The following CXorf58 variants were observed in gnomAD, a reference collection of about 807,000 sequenced individuals.
The protein encoded by CXorf58 is chromosome X open reading frame 58.
CXorf58 carries 24 observed loss-of-function variants against 26.0 expected under a neutral mutation model. The ratio of observed to expected loss-of-function variants is 0.92; its 90% CI spans 0.67 to 1.30. The LOEUF (loss-of-function observed/expected upper bound fraction) is 1.30. CXorf58 is among the 50% of genes most tolerant of loss of function. The pLI is 0.00. For synonymous variants in CXorf58, 87 were observed against 86.1 expected (o/e 1.01, Z -0.06); for missense variants, 236 against 263.9 (o/e 0.89, Z 0.73).
chrX:23,916,408 C>A, intron 5 of CXorf58, 80 bp downstream of exon 5: 1 of 568,307 alleles, frequency 1.8e-6, no homozygotes, highest in Admixed American at 3.6e-5. Context: ...TCAAATTATA[C>A]AGAATAAGTT....
At chrX:23,915,995 A>G (rs1927710390) in intron 4 of CXorf58, among the ~76,000 whole-genome samples, 1 of 111,839 alleles carries the variant, frequency 8.9e-6, no homozygotes, top group South Asian at 3.7e-4. Context: ...CTCATCTCCC[A>G]TTCTGTATTC....
chrX:23,935,344 G>T lies in CXorf58; in HGVS notation c.704G>T (p.Arg235Leu). 1 of 1,209,928 alleles carries T rather than the reference G, an allele frequency of 8.3e-7. No individual in the cohort carries two copies. Among genetic ancestry groups the T allele is most frequent in the African/African-American group, 1.7e-5 (1 of 57,704 alleles). The change falls in exon 7 of 9, where the codon CGA (arginine) becomes CTA (leucine). Residue 235 changes from arginine to leucine, a missense_variant. Coordinates refer to ENST00000379211, the MANE Select transcript of CXorf58 (RefSeq NM_152761.3). ...TCTGGAGTGATCTCAAACCGTCTAC[G>T]AAATGAAATGAAGTTTCTGTTACAG... ...SESGVISNRL[R>L]NEMKFLLQRP...
In CXorf58 at chrX:23,939,503, AGAAT is replaced by A. The variant is rs1368059090; in HGVS notation, c.*201_*204del. The A allele has an allele frequency of 3.1e-5, 11 of 354,774 alleles. No homozygotes were observed. The highest frequency in any genetic ancestry group is 5.4e-5 in the Non-Finnish European group (11 of 203,814). 29.2% of individuals were successfully genotyped at this position (354,774 alleles called of 1,213,427 possible). On this transcript the variant is annotated 3_prime_UTR_variant, in exon 9 of 9. Transcript: ENST00000379211. ...TATGTGTAATAAAGGAAAATAACAT[AGAAT>A]AAGTCCTGAGTATGCTCTCTTAACT...
intron 5 of CXorf58, among the ~76,000 whole-genome samples, chrX:23,919,986 C>T (rs1263982493): frequency 1.8e-5 from 2 of 112,755 alleles, no homozygotes; most frequent in Admixed American, 9.4e-5. Context: ...GTTCTCTTTC[C>T]CTACTTTTCC....
At position 23,939,406 on chromosome X, in the gene CXorf58, T is replaced by C; in HGVS notation, c.*103T>C. 1.7e-6 allele frequency: 1 copy of C among 572,940 alleles called. No homozygotes were observed. Among genetic ancestry groups the C allele is most frequent in the Non-Finnish European group, 2.8e-6 (1 of 354,873 alleles). 47.2% of individuals were successfully genotyped at this position (572,940 alleles called of 1,213,427 possible). A position where few individuals can be genotyped will look rare whatever the true frequency, so the allele number is the denominator to read the frequency against. ...CTTGGCAGCTGGTGATTCTCCATCA[T>C]GATAATGAACAGTTAATTGACAGAA... On this transcript the variant is annotated 3_prime_UTR_variant, in exon 9 of 9. Transcript: ENST00000379211.
intron 5 of CXorf58, among the ~76,000 whole-genome samples, chrX:23,926,733 G>A (rs1169347197): frequency 8.9e-6 from 1 of 112,470 alleles, no homozygotes; most frequent in Non-Finnish European, 1.9e-5. Context: ...TAAAAACTAT[G>A]TAGATGGCCT....
At chrX:23,912,766 G>T (rs1290234349) in intron 3 of CXorf58, among the ~76,000 whole-genome samples, 1 of 111,590 alleles carries the variant, frequency 9.0e-6, no homozygotes, top group Non-Finnish European at 1.9e-5. Context: ...TGAATTAAAA[G>T]TTCCCTTACC....
upstream of CXorf58, chrX:23,907,985 G>A: frequency 6.7e-6 from 2 of 296,962 alleles, no homozygotes; most frequent in Admixed American, 6.2e-5. Context: ...TTGCTAGGCG[G>A]CAAGAAAGCG....
chrX:23,925,520 G>T (rs916014581), intron 5 of CXorf58, among the ~76,000 whole-genome samples: 3 of 108,649 alleles, frequency 2.8e-5, no homozygotes, highest in Admixed American at 1.0e-4. Context: ...GCAAATTTTT[G>T]TATTTTTAGT....
chrX:23,935,896 C>G (rs1328069676), intron 7 of CXorf58, among the ~76,000 whole-genome samples: 1 of 110,573 alleles, frequency 9.0e-6, no homozygotes, highest in Non-Finnish European at 1.9e-5. Flanking sequence ...CCTCAGCCTC[C>G]TGAGTAGCTG....
chrX:23,927,375 G>A lies in CXorf58; in HGVS notation c.555+5G>A. On this transcript the variant is annotated splice_donor_5th_base_variant and intron_variant, in intron 6 of 8. Transcript: ENST00000379211. ...ACCATGCAAGATTATGTACAAGTAA[G>A]GAATTTAGATTTAGAAAAACAAACA... 8.9e-7 allele frequency: 1 copy of A among 1,121,498 alleles called. No individual in the cohort carries two copies. Among genetic ancestry groups the A allele is most frequent in the Non-Finnish European group, 1.2e-6 (1 of 846,652 alleles). 92.4% of individuals were successfully genotyped at this position (1,121,498 alleles called of 1,213,427 possible).
At position 23,911,750 on chromosome X, in the gene CXorf58, C is replaced by T. The variant is rs377057211; in HGVS notation, c.117-7C>T. 1 of 1,119,021 alleles carries T rather than the reference C, an allele frequency of 8.9e-7. No individual in the cohort carries two copies. The highest frequency in any genetic ancestry group is 2.7e-5 in the Admixed American group (1 of 36,998). 92.2% of individuals were successfully genotyped at this position (1,119,021 alleles called of 1,213,427 possible). ...TTTATAAATATTAACCTCTTTTTTT[C>T]TCTCAGAATGCTTAAAGACATTTCA... On this transcript the variant is annotated splice_region_variant and splice_polypyrimidine_tract_variant and intron_variant, in intron 2 of 8. Coordinates refer to ENST00000379211, the MANE Select transcript of CXorf58 (RefSeq NM_152761.3).
At chrX:23,917,052 C>G (rs1927745187) in intron 5 of CXorf58, among the ~76,000 whole-genome samples, 1 of 107,539 alleles carries the variant, frequency 9.3e-6, no homozygotes, top group Non-Finnish European at 1.9e-5. Flanking sequence ...AATGAACTTT[C>G]AGCCAGGCAC....
intron 6 of CXorf58, among the ~76,000 whole-genome samples, chrX:23,931,056 A>G (rs917998738): frequency 7.1e-5 from 8 of 112,304 alleles, no homozygotes; most frequent in Non-Finnish European, 1.5e-4. Context: ...ATGGTCTGCA[A>G]CTAGACCCAC....
chrX:23,933,748 C>T (rs1928223006), intron 6 of CXorf58, among the ~76,000 whole-genome samples: 1 of 111,037 alleles, frequency 9.0e-6, no homozygotes, highest in South Asian at 3.8e-4. Context: ...AAAAATTAAC[C>T]AGGCATGGTG....
intron 2 of CXorf58, among the ~76,000 whole-genome samples, chrX:23,910,767 T>TC (rs1415207535): frequency 1.0e-4 from 9 of 90,170 alleles, no homozygotes; most frequent in African/African-American, 2.9e-4. Context: ...TTTCTTTTTT[T>TC]TTTTTTTTTT....
chrX:23,928,002 A>G (rs975648233), intron 6 of CXorf58, among the ~76,000 whole-genome samples: 11 of 111,220 alleles, frequency 9.9e-5, no homozygotes, highest in African/African-American at 3.6e-4. Flanking sequence ...CATTGTCTCT[A>G]TGGATTTGCC....
intron 5 of CXorf58, among the ~76,000 whole-genome samples, chrX:23,925,540 G>GT (rs1186886893): frequency 2.7e-4 from 29 of 108,410 alleles, no homozygotes; most frequent in African/African-American, 9.7e-4. Context: ...TAGAAAAAGG[G>GT]TTTTGCCATG....
Position 23,917,882 on chromosome X carries a change from C to T in CXorf58, c.423+1554C>T, listed in dbSNP as rs187577843. 3.0e-4 allele frequency among the ~76,000 whole-genome samples: 33 copies of T among 111,732 alleles called. No individual in the cohort carries two copies. In the Admixed American group the frequency reaches 3.1e-3, roughly 10 times the overall value. ...TTGAGACGGAGTCTCGCTCTGTCGC[C>T]CAGGCTGGAGTGCAGTGGCATGATC... On this transcript the variant is annotated intron_variant, in intron 5 of 8. Coordinates refer to ENST00000379211, the MANE Select transcript of CXorf58 (RefSeq NM_152761.3).
Sources: allele counts gnomAD v4.1 joint callset (sites outside exome capture counted in the v4.1 genomes callset), GRCh38; gene constraint gnomAD v4.1.1; transcripts MANE v1.5; gene names NCBI Gene and HGNC (gene_info 2026-07-23, HGNC 2026-07-21).